Variants in ANO2 observed in about 807,000 individuals in gnomAD.
ANO2 encodes anoctamin 2, also known as anoctamin-2.
Under a neutral mutation model 124.2 loss-of-function variants are expected in ANO2, and 101 were observed. The ratio of observed to expected loss-of-function variants is 0.81; its 90% CI spans 0.69 to 0.96. The LOEUF (loss-of-function observed/expected upper bound fraction) is 0.96, where lower values mean the gene tolerates loss of function less well. Among genes scored for constraint, ANO2 ranks in the 40% least tolerant of loss-of-function variants. The pLI, the probability that ANO2 is intolerant of heterozygous loss-of-function variation, is 0.00. For missense variants in ANO2, 1,293 were observed against 1,274.5 expected (o/e 1.01, Z -0.22); for synonymous variants, 486 against 482.5 (o/e 1.01, Z -0.09).
chr12:5,646,388 T>C (rs960618171), intron 15 of ANO2, among the ~76,000 whole-genome samples: 2 of 152,234 alleles, frequency 1.3e-5, no homozygotes, highest in Non-Finnish European at 2.9e-5. Context: ...AATGGGATGT[T>C]ACAAATATCC....
At chr12:5,634,103 A>G (rs1354557978) in intron 16 of ANO2, among the ~76,000 whole-genome samples, 1 of 152,238 alleles carries the variant, frequency 6.6e-6, no homozygotes, top group African/African-American at 2.4e-5. Context: ...GATGCTTATG[A>G]AGAAACACAG....
chr12:5,624,553 C>G (rs986839352), intron 16 of ANO2, among the ~76,000 whole-genome samples: 4 of 152,164 alleles, frequency 2.6e-5, no homozygotes, highest in African/African-American at 9.7e-5. Context: ...ATTCTCAGCC[C>G]ACCCCTCATG....
intron 7 of ANO2, among the ~76,000 whole-genome samples, chr12:5,814,457 A>C (rs1004109922): frequency 6.6e-6 from 1 of 152,238 alleles, no homozygotes; most frequent in Non-Finnish European, 1.5e-5. Flanking sequence ...CTCAAATATT[A>C]CATCAGGAAG....
At position 5,904,483 on chromosome 12, in the gene ANO2, CCCA is replaced by C. The variant is rs1454959528; in HGVS notation, c.534+16554_534+16556del. The stretch of plus-strand genomic sequence containing the variant: ...GTGCCCAGGGCAGACGCCTCGCAGG[CCCA>C]CCATCACCTCTCCTGATGCCTGTAG... On this transcript the variant is annotated intron_variant, in intron 3 of 24. Coordinates refer to ENST00000682330, the MANE Select transcript of ANO2 (RefSeq NM_001364791.2). The surrounding 1 kb of genome is among the most constrained non-coding windows in gnomAD (Gnocchi z 4.1). Among the ~76,000 whole-genome samples, 1 of 152,162 alleles carries C rather than the reference CCCA, an allele frequency of 6.6e-6. No homozygotes were observed. The highest frequency in any genetic ancestry group is 1.9e-4 in the East Asian group (1 of 5,182).
intron 14 of ANO2, among the ~76,000 whole-genome samples, chr12:5,726,024 A>G (rs1950424047): frequency 6.6e-6 from 1 of 152,026 alleles, no homozygotes; most frequent in African/African-American, 2.4e-5. Flanking sequence ...CTCAACTTAG[A>G]GCTTTACCAT....
chr12:5,838,422 G>A (rs1307737225), intron 4 of ANO2, among the ~76,000 whole-genome samples: 1 of 152,182 alleles, frequency 6.6e-6, no homozygotes, highest in African/African-American at 2.4e-5. Context: ...ACTTGTGTTG[G>A]AAGAAATTTC....
intron 10 of ANO2, among the ~76,000 whole-genome samples, chr12:5,775,474 T>G (rs1952206963): frequency 6.6e-6 from 1 of 151,188 alleles, no homozygotes; most frequent in African/African-American, 2.4e-5. Flanking sequence ...TTTTTTTTTT[T>G]TTTTTGAGAT....
intron 14 of ANO2, among the ~76,000 whole-genome samples, chr12:5,689,599 G>A (rs570880598): frequency 1.5e-4 from 23 of 152,170 alleles, no homozygotes; most frequent in African/African-American, 5.1e-4. Context: ...CGCTGTGACG[G>A]GTTCTATCTT....
intron 20 of ANO2, among the ~76,000 whole-genome samples, chr12:5,596,780 A>T (rs905326069): frequency 3.3e-5 from 5 of 152,204 alleles, no homozygotes; most frequent in African/African-American, 1.2e-4. Context: ...CTTCAAGACC[A>T]TTAAGAGGAA....
At chr12:5,775,677 G>T (rs1371279839) in intron 10 of ANO2, among the ~76,000 whole-genome samples, 2 of 152,000 alleles carry the variant, frequency 1.3e-5, no homozygotes. Flanking sequence ...TAGCCAGGAT[G>T]GTCTCGATCT....
chr12:5,938,197 A>G (rs966706538), intron 1 of ANO2, among the ~76,000 whole-genome samples: 1 of 152,112 alleles, frequency 6.6e-6, no homozygotes, highest in African/African-American at 2.4e-5. Flanking sequence ...GCATTTAGTA[A>G]GCATTTCCAG....
chr12:5,577,992 A>C lies in ANO2; in HGVS notation c.2402T>G (p.Ile801Ser), dbSNP rs1942513832. 1 of 1,613,764 alleles carries C rather than the reference A, an allele frequency of 6.2e-7. No homozygotes were observed. Among genetic ancestry groups the C allele is most frequent in the Non-Finnish European group, 8.5e-7 (1 of 1,179,804 alleles). Residue 801 changes from isoleucine (I) to serine (S), a missense_variant, in exon 22 of 25, where the codon ATT (isoleucine) becomes AGT (serine). By Grantham distance (142) the Ile-to-Ser change is moderately radical (BLOSUM62 -2). Coordinates refer to ENST00000682330, the MANE Select transcript of ANO2 (RefSeq NM_001364791.2). ...RTKDIGIWFD[I>S]LSGIGKFSVI... ...AGAGAACTTGCCAATTCCAGAGAGAATGTCAAACCAGATTCCTACAAGACA... is the reference window on the plus strand; with the variant it reads ...AGAGAACTTGCCAATTCCAGAGAGACTGTCAAACCAGATTCCTACAAGACA...
chr12:5,684,402 G>A (rs1473942307), intron 14 of ANO2, among the ~76,000 whole-genome samples: 1 of 152,246 alleles, frequency 6.6e-6, no homozygotes, highest in African/African-American at 2.4e-5. Flanking sequence ...CGATCATGCA[G>A]TGGGGGAAAC....
intron 15 of ANO2, among the ~76,000 whole-genome samples, chr12:5,643,866 T>C (rs1250450689): frequency 1.3e-5 from 2 of 152,336 alleles, no homozygotes; most frequent in African/African-American, 4.8e-5. Context: ...CTTTTTCCTA[T>C]TTTGTACTGA....
intron 14 of ANO2, among the ~76,000 whole-genome samples, chr12:5,662,630 T>A (rs1947504656): frequency 6.6e-6 from 1 of 152,146 alleles, no homozygotes; most frequent in Non-Finnish European, 1.5e-5. Context: ...GTTTTTTAAC[T>A]AGGATGGCAG....
intron 23 of ANO2, among the ~76,000 whole-genome samples, chr12:5,568,259 CCTCA>C (rs1338396923): frequency 6.6e-6 from 1 of 151,788 alleles, no homozygotes; most frequent in African/African-American, 2.4e-5. Context: ...CCTGCCTCAG[CCTCA>C]GTCCCTCAGC....
chr12:5,626,775 AGAT>A lies in ANO2; in HGVS notation c.1816+8374_1816+8376del, dbSNP rs1389788803. 2.0e-5 allele frequency among the ~76,000 whole-genome samples: 3 copies of A among 152,202 alleles called. No homozygotes were observed. In the East Asian group the frequency reaches 5.8e-4, roughly 29 times the overall value. ...TCCTGCAAGAGCTGCAGTTATGAAG[AGAT>A]GAATTTTCTCCAGAGATGTGGGAGC... On this transcript the variant is annotated intron_variant, in intron 16 of 24. Transcript: ENST00000682330.
At chr12:5,846,169 A>G (rs1400738170) in intron 4 of ANO2, among the ~76,000 whole-genome samples, 1 of 152,356 alleles carries the variant, frequency 6.6e-6, no homozygotes, top group Non-Finnish European at 1.5e-5. Flanking sequence ...TGGATATAGA[A>G]GTATAAATAG....
intron 3 of ANO2, among the ~76,000 whole-genome samples, chr12:5,868,900 T>C (rs1434744353): frequency 6.6e-6 from 1 of 152,144 alleles, no homozygotes; most frequent in Non-Finnish European, 1.5e-5. Flanking sequence ...AGAAGGGACC[T>C]AGGGAGTTTA....
Sources: gnomAD v4.1 joint callset for allele counts (sites outside exome capture counted in the v4.1 genomes callset) on GRCh38, gnomAD v4.1.1 for gene constraint, Gnocchi (gnomAD v3.1) non-coding constraint, MANE v1.5 for transcripts, NCBI Gene and HGNC (gene_info 2026-07-23, HGNC 2026-07-21) for gene names.